The following CD247 variants were observed in gnomAD, a reference collection of about 807,000 sequenced individuals.
The protein encoded by CD247 is CD247 molecule, also known as T-cell surface glycoprotein CD3 zeta chain.
CD247 carries 13 observed loss-of-function variants against 30.0 expected under a neutral mutation model. The ratio of observed to expected loss-of-function variants is 0.43; its 90% CI spans 0.28 to 0.69. The LOEUF is 0.69. Among genes scored for constraint, CD247 ranks in the 30% least tolerant of loss-of-function variants. The probability of loss-of-function intolerance (pLI) is 0.16; values close to 1 mark genes in which losing one functional copy is unlikely to be tolerated. For missense variants in CD247, 193 were observed against 212.6 expected (o/e 0.91, Z 0.57); for synonymous variants, 72 against 80.0 (o/e 0.90, Z 0.53).
chr1:167,477,087 T>C (rs1653780455), intron 1 of CD247, among the ~76,000 whole-genome samples: 1 of 152,220 alleles, frequency 6.6e-6, no homozygotes, highest in East Asian at 1.9e-4. Flanking sequence ...AAAATATTTT[T>C]AGATAGAAGC....
Position 167,477,597 on chromosome 1 carries a change from G to A in CD247, c.59-36830C>T, listed in dbSNP as rs117125580. Among the ~76,000 whole-genome samples, 112 of 152,192 alleles carry A rather than the reference G, an allele frequency of 7.4e-4. 1 individual carries two copies. In the East Asian group the frequency reaches 0.016, roughly 22 times the overall value. On this transcript the variant is annotated intron_variant, in intron 1 of 7. Transcript: ENST00000362089. Reference sequence around the variant, plus strand: ...CAGTGGCGCTCCAGCACAGCAGATCGTAGCTCACTGCAGCCTTGACCTCCT... The same window carrying A: ...CAGTGGCGCTCCAGCACAGCAGATCATAGCTCACTGCAGCCTTGACCTCCT...
Position 167,430,706 on chromosome 1 carries a change from CA to C in CD247, c.*974del, listed in dbSNP as rs1239073018. On this transcript the variant is annotated 3_prime_UTR_variant, in exon 8 of 8. Coordinates refer to ENST00000362089, the MANE Select transcript of CD247 (RefSeq NM_198053.3). ...TTTAGCATGCCAGTATAAATTAAAA[CA>C]GTAGAAAAAAAGCAGAGTAGAGAGC... 1 of 398,656 alleles carries C rather than the reference CA, an allele frequency of 2.5e-6. No individual in the cohort carries two copies. The highest frequency in any genetic ancestry group is 3.6e-5 in the East Asian group (1 of 28,084). 24.7% of individuals were successfully genotyped at this position (398,656 alleles called of 1,614,324 possible).
At chr1:167,485,947 T>G (rs2102070241) in intron 1 of CD247, among the ~76,000 whole-genome samples, 1 of 152,156 alleles carries the variant, frequency 6.6e-6, no homozygotes, top group East Asian at 1.9e-4. Flanking sequence ...AGAAAACGAC[T>G]GGAGGCTGGG....
chr1:167,505,193 C>T (rs1723000), intron 1 of CD247, among the ~76,000 whole-genome samples: 131,289 of 152,150 alleles, frequency 0.86, 56,721 homozygotes, highest in East Asian at 0.96. Context: ...TGCAGTGGTA[C>T]GATCATAGCT....
Position 167,431,114 on chromosome 1 carries a change from A to G in CD247, c.*567T>C. ...CTGGCTGACCCTCCCCTGCCCGCCC[A>G]CCTTCCCATGCCCCTGCAGCTCCCT... On this transcript the variant is annotated 3_prime_UTR_variant, in exon 8 of 8. Transcript: ENST00000362089. 2.4e-6 allele frequency: 1 copy of G among 413,738 alleles called. No homozygotes were observed. The allele number at this position is 413,738 out of a possible 1,614,324, so 25.6% of individuals were successfully genotyped here.
Position 167,431,663 on chromosome 1 carries a change from G to A in CD247, c.*18C>T. 1 of 1,609,872 alleles carries A rather than the reference G, an allele frequency of 6.2e-7. No homozygotes were observed. The highest frequency in any genetic ancestry group is 8.5e-7 in the Non-Finnish European group (1 of 1,176,030). On this transcript the variant is annotated 3_prime_UTR_variant, in exon 8 of 8. Coordinates refer to ENST00000362089, the MANE Select transcript of CD247 (RefSeq NM_198053.3). ...GCGTCTGCAGGTCTGGCCTTTGAGT[G>A]GTGAAATCCCCTGGCTGTTAGCGAG...
chr1:167,433,917 T>G, intron 6 of CD247, 103 bp downstream of exon 6: 1 of 1,072,336 alleles, frequency 9.3e-7, no homozygotes, highest in Non-Finnish European at 1.5e-6. Context: ...CACATGGGCA[T>G]TTGCAGCTGG....
In CD247 at chr1:167,500,896, T is replaced by A. The variant is rs1451326905; in HGVS notation, c.58+17512A>T. On this transcript the variant is annotated intron_variant, in intron 1 of 7. Coordinates refer to ENST00000362089, the MANE Select transcript of CD247 (RefSeq NM_198053.3). Reference sequence around the variant, plus strand: ...ACTGAGGCCAACTTCCCATCCCAGCTGTGTGGCTGCCTAAGTCAGCCTGGT... The same window carrying A: ...ACTGAGGCCAACTTCCCATCCCAGCAGTGTGGCTGCCTAAGTCAGCCTGGT... Among the ~76,000 whole-genome samples the A allele has an allele frequency of 3.3e-5, 5 of 152,070 alleles. No individual in the cohort carries two copies. The East Asian group carries it at 9.6e-4, about 29-fold the overall frequency.
intron 1 of CD247, among the ~76,000 whole-genome samples, chr1:167,491,570 A>G (rs1654452112): frequency 6.6e-6 from 1 of 151,778 alleles, no homozygotes; most frequent in African/African-American, 2.4e-5. Context: ...TCCATCTCAA[A>G]AAAAAAAAAA....
chr1:167,458,909 G>T (rs1226092064), intron 1 of CD247, among the ~76,000 whole-genome samples: 1 of 151,402 alleles, frequency 6.6e-6, no homozygotes, highest in East Asian at 1.9e-4. Context: ...GATCACTTGA[G>T]GCCAGGAGTT....
intron 4 of CD247, among the ~76,000 whole-genome samples, chr1:167,437,049 A>C (rs1651577854): frequency 6.6e-6 from 1 of 152,200 alleles, no homozygotes; most frequent in Non-Finnish European, 1.5e-5. Context: ...TAGCACTATT[A>C]ACAATAACCA....
At position 167,435,382 on chromosome 1, in the gene CD247, A is replaced by T; in HGVS notation, c.336+17T>A. On this transcript the variant is annotated intron_variant, in intron 5 of 7. Transcript: ENST00000362089. Reference sequence around the variant, plus strand: ...CTCCAACTTTCCAAGGTCAAATGTGAGGTCTCCTCTACTCACATTGTACAG... The same window carrying T: ...CTCCAACTTTCCAAGGTCAAATGTGTGGTCTCCTCTACTCACATTGTACAG... The T allele has an allele frequency of 6.3e-7, 1 of 1,599,384 alleles. No individual in the cohort carries two copies. The highest frequency in any genetic ancestry group is 8.6e-7 in the Non-Finnish European group (1 of 1,166,926).
At chr1:167,441,283 T>G (rs1185347079) in intron 1 of CD247, among the ~76,000 whole-genome samples, 1 of 152,126 alleles carries the variant, frequency 6.6e-6, no homozygotes, top group Admixed American at 6.5e-5. Context: ...GGGTTAACTC[T>G]CCCCCAACTC....
At chr1:167,495,200 T>C (rs1256106864) in intron 1 of CD247, among the ~76,000 whole-genome samples, 1 of 152,248 alleles carries the variant, frequency 6.6e-6, no homozygotes, top group Non-Finnish European at 1.5e-5. Context: ...GTCTACCTAG[T>C]ATCTATGTGG....
intron 1 of CD247, among the ~76,000 whole-genome samples, chr1:167,491,612 T>G (rs146417239): frequency 4.6e-5 from 7 of 152,240 alleles, no homozygotes; most frequent in African/African-American, 1.7e-4. Flanking sequence ...GCAATTCTAC[T>G]TCTGGTTCTA....
At chr1:167,467,417 G>A (rs531640738) in intron 1 of CD247, among the ~76,000 whole-genome samples, 44 of 152,226 alleles carry the variant, frequency 2.9e-4, no homozygotes, top group African/African-American at 9.2e-4. Flanking sequence ...ATTCCAAAGG[G>A]GATTTTCTGT....
At chr1:167,489,682 G>A (rs373629880) in intron 1 of CD247, among the ~76,000 whole-genome samples, 1 of 152,228 alleles carries the variant, frequency 6.6e-6, no homozygotes, top group East Asian at 1.9e-4. Context: ...GAGGCTGAAG[G>A]GTTCCTGCCC....
rs186430509 is a variant in CD247 at position 167,454,454 on chromosome 1, G to C, written c.59-13687C>G. Among the ~76,000 whole-genome samples the C allele has an allele frequency of 2.1e-4, 32 of 152,360 alleles. 1 individual carries two copies. In the East Asian group the frequency reaches 3.9e-3, roughly 18 times the overall value. On this transcript the variant is annotated intron_variant, in intron 1 of 7. Coordinates refer to ENST00000362089, the MANE Select transcript of CD247 (RefSeq NM_198053.3). ...AAGAAGGTGTGTGCGGCAAGATTCT[G>C]GCAGGGCAGAAAGTGGAGGAACAGG...
rs529667307 is a variant in CD247 at position 167,503,644 on chromosome 1, T to C, written c.58+14764A>G. ...GTATTAACATCTTGCTGAACATAGA[T>C]TGGGGAAGAGTGCCTTTGTTATAAA... is the stretch of plus-strand genomic sequence containing the variant. On this transcript the variant is annotated intron_variant, in intron 1 of 7. Coordinates refer to ENST00000362089, the MANE Select transcript of CD247 (RefSeq NM_198053.3). 1.7e-4 allele frequency among the ~76,000 whole-genome samples: 26 copies of C among 152,314 alleles called. No individual in the cohort carries two copies. The South Asian group carries it at 4.6e-3, about 27-fold the overall frequency.
Sources: allele counts gnomAD v4.1 joint callset (sites outside exome capture counted in the v4.1 genomes callset), GRCh38; gene constraint gnomAD v4.1.1; transcripts MANE v1.5; gene names NCBI Gene and HGNC (gene_info 2026-07-23, HGNC 2026-07-21).